The following DLG2 variants were observed in gnomAD, a reference collection of about 807,000 sequenced individuals.
DLG2 encodes the protein disks large homolog 2.
DLG2 carries 45 observed loss-of-function variants against 132.5 expected under a neutral mutation model. The ratio of observed to expected loss-of-function variants is 0.34; its 90% CI spans 0.27 to 0.44. DLG2 has a LOEUF of 0.44. Among genes scored for constraint, DLG2 ranks in the 20% least tolerant of loss-of-function variants. The pLI is 1.00. For synonymous variants in DLG2, 424 were observed against 419.6 expected (o/e 1.01, Z -0.13); for missense variants, 1,045 against 1,196.9 (o/e 0.87, Z 1.87).
intron 6 of DLG2, chr11:84,720,729 G>A (rs575344522): frequency 6.6e-6 from 1 of 152,610 alleles, no homozygotes; most frequent in Admixed American, 6.5e-5. Flanking sequence ...TTAGAGGAGG[G>A]TTCAAAGGAG....
rs192085483 is a variant in DLG2, at chr11:85,568,492, T to C, written c.40+30165A>G. ...ATTTTTTGGAATAATTTGAGAAAGA[T>C]TGCTCTTAATTCTTTAAACATTTGG... is the stretch of plus-strand genomic sequence containing the variant. On this transcript the variant is annotated intron_variant, in intron 3 of 27. Transcript: ENST00000376104. 1.7e-3 allele frequency among the ~76,000 whole-genome samples: 253 copies of C among 152,324 alleles called. 1 individual carries two copies. Among genetic ancestry groups the C allele is most frequent in the Non-Finnish European group, 2.6e-3 (178 of 68,022 alleles).
chr11:85,490,646 A>G (rs2093536088), intron 3 of DLG2, among the ~76,000 whole-genome samples: 1 of 152,150 alleles, frequency 6.6e-6, no homozygotes, highest in African/African-American at 2.4e-5. Context: ...ACAAAAGATC[A>G]TCAGAGATGA....
intron 4 of DLG2, among the ~76,000 whole-genome samples, chr11:85,180,795 A>T (rs2079637031): frequency 6.6e-6 from 1 of 151,810 alleles, no homozygotes; most frequent in Non-Finnish European, 1.5e-5. Context: ...AGACTTGTCC[A>T]AGTTTACATA....
intron 6 of DLG2, among the ~76,000 whole-genome samples, chr11:84,788,737 C>T (rs993977017): frequency 5.3e-5 from 8 of 152,122 alleles, no homozygotes; most frequent in African/African-American, 7.2e-5. Flanking sequence ...GTCATTATTT[C>T]GTCCAAACAT....
rs112870031 is a variant in DLG2 at position 83,789,096 on chromosome 11, G to A, written c.1723-2304C>T. On this transcript the variant is annotated intron_variant, in intron 17 of 27. Transcript: ENST00000376104. ...CAACTTCTCACAACCAATAAAATTAGCACAACCTAAGAAATAATTTAGAAA... is the reference window on the plus strand; with the variant it reads ...CAACTTCTCACAACCAATAAAATTAACACAACCTAAGAAATAATTTAGAAA... Among the ~76,000 whole-genome samples the A allele has an allele frequency of 3.9e-4, 60 of 152,220 alleles. 1 individual carries two copies. The highest frequency in any genetic ancestry group is 1.4e-3 in the African/African-American group (57 of 41,538).
intron 3 of DLG2, among the ~76,000 whole-genome samples, chr11:85,569,144 TCCTC>T (rs1388653296): frequency 6.6e-6 from 1 of 152,038 alleles, no homozygotes; most frequent in Non-Finnish European, 1.5e-5. Flanking sequence ...CAATTCTCCT[TCCTC>T]AGCCTCCTGA....
chr11:85,392,901 T>A (rs894728694), intron 3 of DLG2, among the ~76,000 whole-genome samples: 1 of 152,104 alleles, frequency 6.6e-6, no homozygotes, highest in East Asian at 1.9e-4. Context: ...AAAACCCTTC[T>A]AGACATTGAC....
chr11:83,976,773 CAATT>C (rs1211319115), intron 12 of DLG2, among the ~76,000 whole-genome samples: 1 of 151,688 alleles, frequency 6.6e-6, no homozygotes, highest in African/African-American at 2.4e-5. Flanking sequence ...AAACTCAAAA[CAATT>C]AAGGATTATG....
intron 6 of DLG2, among the ~76,000 whole-genome samples, chr11:84,952,627 T>C (rs2051113725): frequency 6.6e-6 from 1 of 151,932 alleles, no homozygotes; most frequent in Admixed American, 6.6e-5. Context: ...ATGCAGGAAT[T>C]GTGGCTAGGC....
chr11:85,423,461 G>A (rs2090475895), intron 3 of DLG2, among the ~76,000 whole-genome samples: 2 of 152,142 alleles, frequency 1.3e-5, no homozygotes, highest in Admixed American at 1.3e-4. Flanking sequence ...ATATGGGGAG[G>A]AACAGGTGGT....
At chr11:85,196,328 C>T (rs1248499120) in intron 4 of DLG2, among the ~76,000 whole-genome samples, 3 of 152,182 alleles carry the variant, frequency 2.0e-5, no homozygotes, top group African/African-American at 7.2e-5. Flanking sequence ...TAAGAACAAA[C>T]TGTTCAATTT....
chr11:85,472,644 C>T (rs1401201274), intron 3 of DLG2, among the ~76,000 whole-genome samples: 1 of 152,200 alleles, frequency 6.6e-6, no homozygotes, highest in East Asian at 1.9e-4. Flanking sequence ...CTTGCTCACT[C>T]TTTGGTTATC....
intron 7 of DLG2, among the ~76,000 whole-genome samples, chr11:84,360,026 T>C (rs1472954621): frequency 1.3e-5 from 2 of 151,952 alleles, no homozygotes; most frequent in Non-Finnish European, 2.9e-5. Flanking sequence ...CAATCTATTC[T>C]AGTTTCTAAA....
At chr11:85,597,527 A>G (rs1000806143) in intron 3 of DLG2, among the ~76,000 whole-genome samples, 3 of 151,976 alleles carry the variant, frequency 2.0e-5, no homozygotes, top group African/African-American at 7.2e-5. Context: ...GCTAGCCACA[A>G]TAAAATATTT....
At chr11:84,732,650 T>C (rs568495864) in intron 6 of DLG2, among the ~76,000 whole-genome samples, 22 of 151,736 alleles carry the variant, frequency 1.4e-4, no homozygotes, top group Admixed American at 2.6e-4. Context: ...TATATAAATA[T>C]ATATTTATTA....
intron 6 of DLG2, among the ~76,000 whole-genome samples, chr11:84,710,032 C>A (rs1393521288): frequency 1.3e-5 from 2 of 151,824 alleles, no homozygotes; most frequent in Non-Finnish European, 2.9e-5. Context: ...CTGTATGGGC[C>A]CTCATCTGAT....
At chr11:83,917,401 G>A (rs985764364) in intron 15 of DLG2, among the ~76,000 whole-genome samples, 1 of 152,128 alleles carries the variant, frequency 6.6e-6, no homozygotes, top group Admixed American at 6.6e-5. Flanking sequence ...TATGTTAGAG[G>A]CATCCACATA....
chr11:84,399,071 A>T (rs2098820537), intron 7 of DLG2, among the ~76,000 whole-genome samples: 1 of 152,162 alleles, frequency 6.6e-6, no homozygotes, highest in South Asian at 2.1e-4. Context: ...ATTAACAATT[A>T]ATTATCTTAA....
chr11:84,887,808 A>T (rs572496886), intron 6 of DLG2, among the ~76,000 whole-genome samples: 1 of 149,408 alleles, frequency 6.7e-6, no homozygotes, highest in East Asian at 1.9e-4. Flanking sequence ...CCGTTTCTTC[A>T]CAAGAAGAGA....
Sources: allele counts gnomAD v4.1 joint callset (sites outside exome capture counted in the v4.1 genomes callset), GRCh38; gene constraint gnomAD v4.1.1; transcripts MANE v1.5; gene names NCBI Gene and HGNC (gene_info 2026-07-23, HGNC 2026-07-21).